MDM1: variants seen among roughly 807,000 people sequenced by gnomAD.
The protein encoded by MDM1 is stabilizer of axonemal microtubules 6.
A neutral mutation model predicts 89.1 loss-of-function variants in MDM1; 61 were observed. The ratio of observed to expected loss-of-function variants is 0.68; its 90% confidence interval spans 0.56 to 0.85. MDM1 has a LOEUF of 0.85. Among genes scored for constraint, MDM1 ranks in the 40% least tolerant of loss-of-function variants. The pLI, the probability that MDM1 is intolerant of heterozygous loss-of-function variation, is 0.00. For missense variants in MDM1, 820 were observed against 846.5 expected (o/e 0.97, Z 0.39); for synonymous variants, 290 against 294.1 (o/e 0.99, Z 0.14).
At chr12:68,308,212 G>A (rs1488270352) in intron 12 of MDM1, among the ~76,000 whole-genome samples, 3 of 148,884 alleles carry the variant, frequency 2.0e-5, no homozygotes, top group Non-Finnish European at 3.0e-5. Flanking sequence ...TGCAACCTCC[G>A]CCTCCCGGAT....
intron 13 of MDM1, among the ~76,000 whole-genome samples, chr12:68,299,065 A>G (rs1871793841): frequency 6.6e-6 from 1 of 152,160 alleles, no homozygotes; most frequent in African/African-American, 2.4e-5. Context: ...CCAAGAACCA[A>G]ATTAAACTAT....
chr12:68,302,987 A>ACACAG, intron 12 of MDM1, 115 bp from the exon 13 acceptor site: 4 of 867,506 alleles, frequency 4.6e-6, no homozygotes, highest in Admixed American at 3.2e-5. Flanking sequence ...GAAATATGAG[A>ACACAG]GAATTTATGC....
Position 68,326,914 on chromosome 12 carries a change from C to T in MDM1, c.241G>A (p.Val81Ile), listed in dbSNP as rs1876080578. The T allele has an allele frequency of 6.2e-7, 1 of 1,613,968 alleles. No individual in the cohort carries two copies. Among genetic ancestry groups the T allele is most frequent in the African/African-American group, 1.3e-5 (1 of 74,910 alleles). Residue 81 changes from valine (V) to isoleucine (I), a missense_variant, in exon 3 of 15, where the codon GTT (valine) becomes ATT (isoleucine). Physicochemically the swap from Val to Ile is conservative, Grantham distance 29. Transcript: ENST00000682720. ...GGGGCTTCTGGTTCTGGTGATGCAA[C>T]CACATTGCTCTCTGAGATAGCTCCA... ...WNGAISESNVVASPEPEAPET... is the reference protein window; with the variant it reads ...WNGAISESNVIASPEPEAPET...
intron 13 of MDM1, among the ~76,000 whole-genome samples, chr12:68,300,006 A>C (rs1270496810): frequency 1.3e-5 from 2 of 152,206 alleles, no homozygotes; most frequent in African/African-American, 2.4e-5. Context: ...AAACCTTACA[A>C]GGCAGAAGGC....
chr12:68,307,305 T>C (rs919816455), intron 12 of MDM1, among the ~76,000 whole-genome samples: 1 of 152,126 alleles, frequency 6.6e-6, no homozygotes, highest in Admixed American at 6.5e-5. Context: ...AATATACCAA[T>C]GTAACAAACT....
Position 68,325,566 on chromosome 12 carries a change from G to A in MDM1, c.508C>T (p.Leu170Phe). ...GTCAATCCAGCTTTCTTACGCAGAAGTCTATCCAACTGTTCAAAAAACAAA... is the reference window on the plus strand; with the variant it reads ...GTCAATCCAGCTTTCTTACGCAGAAATCTATCCAACTGTTCAAAAAACAAA... ...SENVDNGLDR[L>F]LRKKAGLTVV... is the part of the protein sequence containing the mutation. The change falls in exon 4 of 15, where the codon CTT (leucine) becomes TTT (phenylalanine). Residue 170 changes from leucine to phenylalanine, a missense_variant. Transcript: ENST00000682720. 1 of 1,564,134 alleles carries A rather than the reference G, an allele frequency of 6.4e-7. No individual in the cohort carries two copies. Among genetic ancestry groups the A allele is most frequent in the Non-Finnish European group, 8.6e-7 (1 of 1,157,348 alleles).
At chr12:68,327,573 T>C (rs1876192297) in intron 2 of MDM1, 1 of 1,468,606 alleles carries the variant, frequency 6.8e-7, no homozygotes. Context: ...TCTATATTTC[T>C]GTATGGAAAG....
chr12:68,327,153 A>G (rs1444312884), intron 2 of MDM1, 132 bp from the exon 3 acceptor site: 1 of 1,401,936 alleles, frequency 7.1e-7, no homozygotes, highest in East Asian at 2.5e-5. Context: ...TATACACACA[A>G]TATCCTTCAG....
At chr12:68,304,186 G>A (rs1198609655) in intron 12 of MDM1, among the ~76,000 whole-genome samples, 2 of 152,094 alleles carry the variant, frequency 1.3e-5, no homozygotes, top group Admixed American at 1.3e-4. Context: ...CGAGACGGGA[G>A]GATCACTTTA....
intron 4 of MDM1, 94 bp downstream of exon 4, chr12:68,325,347 A>C: frequency 7.2e-7 from 1 of 1,386,826 alleles, no homozygotes; most frequent in South Asian, 2.2e-5. Flanking sequence ...AGGCTACTTA[A>C]GTACTTAATT....
chr12:68,323,332 C>A, intron 4 of MDM1, 92 bp from the exon 5 acceptor site: 2 of 900,908 alleles, frequency 2.2e-6, no homozygotes, highest in Non-Finnish European at 3.3e-6. Flanking sequence ...AGTTGAATTA[C>A]AGGACAAAAA....
Position 68,323,171 on chromosome 12 carries a change from T to G in MDM1, c.703A>C (p.Lys235Gln). The G allele has an allele frequency of 1.9e-6, 3 of 1,610,902 alleles. No individual in the cohort carries two copies. The highest frequency in any genetic ancestry group is 2.5e-6 in the Non-Finnish European group (3 of 1,179,012). ...GNSVIHETEY[K>Q]RNFKGLSPVK... ...GGAGATAAACCCTTGAAATTTCTTTTGTATTCAGTTTCATGGATGACTGAG... is the reference window on the plus strand; with the variant it reads ...GGAGATAAACCCTTGAAATTTCTTTGGTATTCAGTTTCATGGATGACTGAG... The change falls in exon 5 of 15, where the codon AAA becomes CAA. Residue 235 changes from lysine (K) to glutamine (Q), a missense_variant. Physicochemically the swap from Lys to Gln is moderately conservative, Grantham distance 53. Transcript: ENST00000682720.
chr12:68,331,967 CTCT>C (rs1565791017), intron 1 of MDM1: 1 of 693,342 alleles, frequency 1.4e-6, no homozygotes, highest in Non-Finnish European at 2.6e-6. Flanking sequence ...ATCTCCACTC[CTCT>C]TGAGTCCCCC....
intron 4 of MDM1, among the ~76,000 whole-genome samples, chr12:68,323,813 C>T (rs1875575518): frequency 6.6e-6 from 1 of 152,284 alleles, no homozygotes; most frequent in Admixed American, 6.5e-5. Flanking sequence ...AGATGGGGAA[C>T]TCAGTCAAGT....
intron 13 of MDM1, among the ~76,000 whole-genome samples, chr12:68,301,051 G>A (rs750512072): frequency 4.6e-5 from 7 of 152,302 alleles, no homozygotes; most frequent in Admixed American, 1.3e-4. Flanking sequence ...ATCTGCTCTT[G>A]AATGATTTTA....
chr12:68,299,777 G>A (rs1471192318), intron 13 of MDM1, among the ~76,000 whole-genome samples: 1 of 152,196 alleles, frequency 6.6e-6, no homozygotes, highest in Admixed American at 6.5e-5. Flanking sequence ...GAATAATTGA[G>A]GAAAACTTCC....
At chr12:68,313,223 T>C (rs951225180) in intron 12 of MDM1, among the ~76,000 whole-genome samples, 2 of 152,182 alleles carry the variant, frequency 1.3e-5, no homozygotes, top group Non-Finnish European at 2.9e-5. Flanking sequence ...TATCTTCCTA[T>C]TGAGTCACTA....
At position 68,294,826 on chromosome 12, in the gene MDM1, A is replaced by G. The variant is rs893338306; in HGVS notation, c.*428T>C. The G allele has an allele frequency of 1.3e-5, 2 of 152,570 alleles. No homozygotes were observed. Among genetic ancestry groups the G allele is most frequent in the African/African-American group, 4.8e-5 (2 of 41,464 alleles). 9.5% of individuals were successfully genotyped at this position (152,570 alleles called of 1,614,324 possible). The stretch of plus-strand genomic sequence containing the variant: ...AGAAGGAACTAAAATAAAAAGAAAC[A>G]CTACAGCAAAGGTTAAAGGAACAAC... On this transcript the variant is annotated 3_prime_UTR_variant, in exon 15 of 15. Transcript: ENST00000682720.
chr12:68,314,187 A>T (rs1249822301), intron 10 of MDM1, among the ~76,000 whole-genome samples: 1 of 152,146 alleles, frequency 6.6e-6, no homozygotes, highest in African/African-American at 2.4e-5. Flanking sequence ...TTTCTGAAAA[A>T]AATAACCACC....
Sources: gnomAD v4.1 joint callset for allele counts (sites outside exome capture counted in the v4.1 genomes callset) on GRCh38, gnomAD v4.1.1 for gene constraint, MANE v1.5 for transcripts, NCBI Gene and HGNC (gene_info 2026-07-23, HGNC 2026-07-21) for gene names.